The following BAZ2B variants were observed in gnomAD, a reference collection of about 807,000 sequenced individuals.
The protein encoded by BAZ2B is bromodomain adjacent to zinc finger domain 2B, also known as bromodomain adjacent to zinc finger domain protein 2B.
In BAZ2B, 91 loss-of-function variants were observed where a neutral mutation model predicts 246.0. The ratio of observed to expected loss-of-function variants is 0.37; its 90% CI spans 0.31 to 0.44. The LOEUF is 0.44. Ranked by LOEUF, BAZ2B falls within the 20% of genes least tolerant of loss-of-function variation. The pLI is 1.00. For synonymous variants in BAZ2B, 855 were observed against 860.0 expected (o/e 0.99, Z 0.10); for missense variants, 2,332 against 2,533.7 (o/e 0.92, Z 1.71).
chr2:159,481,873 C>G (rs2079273667), intron 2 of BAZ2B, among the ~76,000 whole-genome samples: 1 of 151,552 alleles, frequency 6.6e-6, no homozygotes, highest in African/African-American at 2.4e-5. Flanking sequence ...GATCCCACAA[C>G]TAAATGTGAT....
At chr2:159,601,107 G>T (rs1692025353) in intron 1 of BAZ2B, among the ~76,000 whole-genome samples, 1 of 152,114 alleles carries the variant, frequency 6.6e-6, no homozygotes. Context: ...GAGACTCAGA[G>T]AAAAAGTTCT....
chr2:159,508,593 T>C (rs1419425827), intron 2 of BAZ2B, among the ~76,000 whole-genome samples: 2 of 135,778 alleles, frequency 1.5e-5, no homozygotes, highest in Non-Finnish European at 3.3e-5. Flanking sequence ...GCAAATTGCC[T>C]CAGAGGTTTG....
chr2:159,697,217 GTT>G, the BAZ2B span, among the ~76,000 whole-genome samples: 1 of 151,708 alleles, frequency 6.6e-6, no homozygotes, highest in Non-Finnish European at 1.5e-5. Flanking sequence ...TTGCCTGCTT[GTT>G]TTTTTTGGAT....
At chr2:159,487,363 G>T (rs1221011138) in intron 2 of BAZ2B, among the ~76,000 whole-genome samples, 1 of 152,064 alleles carries the variant, frequency 6.6e-6, no homozygotes, top group African/African-American at 2.4e-5. Flanking sequence ...TTAAAGAAAA[G>T]GTCCCAGTGC....
At chr2:159,335,479 T>C (rs919823238) in intron 33 of BAZ2B, among the ~76,000 whole-genome samples, 10 of 150,248 alleles carry the variant, frequency 6.7e-5, no homozygotes, top group African/African-American at 1.7e-4. Context: ...ACCCAGGAGA[T>C]TGAGGTTGTA....
At chr2:159,429,953 G>A (rs920708457) in intron 10 of BAZ2B, among the ~76,000 whole-genome samples, 17 of 152,140 alleles carry the variant, frequency 1.1e-4, no homozygotes, top group Non-Finnish European at 2.5e-4. Context: ...AATGAGAACT[G>A]AGAGTAGTTG....
intron 1 of BAZ2B, among the ~76,000 whole-genome samples, chr2:159,562,491 T>C (rs1348049937): frequency 6.6e-6 from 1 of 152,232 alleles, no homozygotes; most frequent in Non-Finnish European, 1.5e-5. Context: ...GTTTCCATTT[T>C]AGAGCCATAA....
chr2:159,686,373 G>A, the BAZ2B span, among the ~76,000 whole-genome samples: 1 of 152,146 alleles, frequency 6.6e-6, no homozygotes, highest in Non-Finnish European at 1.5e-5. Flanking sequence ...TGTAATGAAA[G>A]GGTACTTTGC....
chr2:159,607,581 C>T (rs1418711977), intron 1 of BAZ2B, among the ~76,000 whole-genome samples: 1 of 71,896 alleles, frequency 1.4e-5, no homozygotes, highest in Non-Finnish European at 3.3e-5. Context: ...GATCCCATGA[C>T]ATTTTCTTTT....
the BAZ2B span, among the ~76,000 whole-genome samples, chr2:159,659,681 G>A: frequency 1.3e-5 from 2 of 152,114 alleles, no homozygotes; most frequent in African/African-American, 4.8e-5. Context: ...TGGCGTAGGG[G>A]TATAGGAACA....
intron 16 of BAZ2B, among the ~76,000 whole-genome samples, chr2:159,403,572 T>C: frequency 6.6e-6 from 1 of 152,288 alleles, no homozygotes. Flanking sequence ...TCATATATAC[T>C]CTTTAGTAAA....
intron 1 of BAZ2B, among the ~76,000 whole-genome samples, chr2:159,599,893 G>T (rs1338696644): frequency 2.2e-5 from 3 of 139,426 alleles, no homozygotes; most frequent in Non-Finnish European, 4.5e-5. Flanking sequence ...CTCAGATCGC[G>T]CCACTGCACT....
At position 159,438,591 on chromosome 2, in the gene BAZ2B, G is replaced by C; in HGVS notation, c.1005C>G (p.Ser335=). The change falls in exon 8 of 37, where the codon TCC becomes TCG. Residue 335 remains serine (S), a synonymous_variant. Coordinates refer to ENST00000392783, the MANE Select transcript of BAZ2B (RefSeq NM_013450.4). ...GCTGGGATTGGAATGAGTGAGTCTG[G>C]GATTCAGACGCAAGAGGTAATGGCT... ...IHQPLPLASE[S]QTHSFQSQQK... The C allele has an allele frequency of 6.2e-7, 1 of 1,614,124 alleles. No homozygotes were observed. Among genetic ancestry groups the C allele is most frequent in the African/African-American group, 1.3e-5 (1 of 75,044 alleles).
At chr2:159,545,044 A>G (rs114744277) in intron 2 of BAZ2B, among the ~76,000 whole-genome samples, 2,515 of 152,344 alleles carry the variant, frequency 0.017, 31 homozygotes, top group Non-Finnish European at 0.024. Context: ...AGTAAAATGT[A>G]CTTGCTATAT....
intron 33 of BAZ2B, among the ~76,000 whole-genome samples, chr2:159,335,240 G>A (rs1177954347): frequency 1.3e-5 from 2 of 152,108 alleles, no homozygotes; most frequent in Non-Finnish European, 2.9e-5. Context: ...ATCAAACAGT[G>A]CCTTAAAATT....
intron 2 of BAZ2B, among the ~76,000 whole-genome samples, chr2:159,513,360 T>C (rs1274476400): frequency 2.0e-5 from 3 of 152,184 alleles, no homozygotes; most frequent in Non-Finnish European, 2.9e-5. Flanking sequence ...CTCTCAAATT[T>C]CACTATAAAC....
chr2:159,342,074 A>G (rs1400285572), intron 31 of BAZ2B, among the ~76,000 whole-genome samples: 1 of 152,226 alleles, frequency 6.6e-6, no homozygotes, highest in African/African-American at 2.4e-5. Context: ...CAAAACAAAA[A>G]GTTACTTTTC....
chr2:159,372,033 TA>T (rs982874330), intron 27 of BAZ2B, among the ~76,000 whole-genome samples: 5 of 152,004 alleles, frequency 3.3e-5, no homozygotes, highest in Admixed American at 6.5e-5. Context: ...CATTTTCATT[TA>T]AAAAAAAGTG....
chr2:159,634,319 A>T, the BAZ2B span, among the ~76,000 whole-genome samples: 1 of 152,170 alleles, frequency 6.6e-6, no homozygotes, highest in Middle Eastern at 3.2e-3. Context: ...GCCAATTTTT[A>T]AAAATCTCAT....
Sources: allele counts gnomAD v4.1 joint callset (sites outside exome capture counted in the v4.1 genomes callset), GRCh38; gene constraint gnomAD v4.1.1; transcripts MANE v1.5; gene names NCBI Gene and HGNC (gene_info 2026-07-23, HGNC 2026-07-21).